The following GALNT14 variants were observed in gnomAD, a reference collection of about 807,000 sequenced individuals.
The protein encoded by GALNT14 is UDP-GalNAc:polypeptide N-acetylgalactosaminyltransferase 14.
GALNT14 carries 60 observed loss-of-function variants against 77.5 expected under a neutral mutation model. The observed-to-expected ratio is 0.77, with a 90% CI of 0.63 to 0.96. The LOEUF (loss-of-function observed/expected upper bound fraction) is 0.96. GALNT14 is among the 40% of genes least tolerant of loss of function. The probability of loss-of-function intolerance (pLI) is 0.00; values close to 1 mark genes in which losing one functional copy is unlikely to be tolerated. For synonymous variants in GALNT14, 280 were observed against 281.7 expected, an observed-to-expected ratio of 0.99 and a Z score of 0.06; for missense variants, 710 against 731.0, an observed-to-expected ratio of 0.97 and a Z score of 0.33.
intron 1 of GALNT14, among the ~76,000 whole-genome samples, chr2:31,019,163 C>T (rs1671563211): frequency 6.6e-6 from 1 of 152,156 alleles, no homozygotes; most frequent in Non-Finnish European, 1.5e-5. Context: ...ACTCATATGT[C>T]TCACTTCTGG....
chr2:31,120,155 C>CAAAA (rs753835346), intron 1 of GALNT14, among the ~76,000 whole-genome samples: 38 of 66,740 alleles, frequency 5.7e-4, no homozygotes, highest in East Asian at 1.5e-3. Context: ...GACTCCGTCT[C>CAAAA]AAAAAAAAAA....
At chr2:31,063,199 T>C (rs1231003384) in intron 1 of GALNT14, among the ~76,000 whole-genome samples, 4 of 152,208 alleles carry the variant, frequency 2.6e-5, no homozygotes, top group Non-Finnish European at 2.9e-5. Context: ...TTAGGTTTCA[T>C]GTTTAAGTCT....
the GALNT14 span, among the ~76,000 whole-genome samples, chr2:30,891,818 C>T: frequency 2.6e-5 from 4 of 152,040 alleles, no homozygotes; most frequent in Admixed American, 2.0e-4. Context: ...GTGAGGACAC[C>T]AGTGTCAAGA....
At position 31,073,486 on chromosome 2, in the gene GALNT14, G is replaced by A. The variant is rs962622622; in HGVS notation, c.129+64472C>T. Among the ~76,000 whole-genome samples the A allele has an allele frequency of 1.8e-4, 5 of 27,842 alleles. No individual in the cohort carries two copies. In the South Asian group the frequency reaches 2.3e-3, roughly 13 times the overall value. 18.3% of individuals were successfully genotyped at this position (27,842 alleles called of 152,430 possible). On this transcript the variant is annotated intron_variant, in intron 1 of 14. Coordinates refer to ENST00000349752, the MANE Select transcript of GALNT14 (RefSeq NM_024572.4). ...AAAAATTAAATTTGGGGAATAAAGA[G>A]GGGGGGGGAACAGCATTTGGGGAAC...
At chr2:31,060,451 T>C (rs1028478549) in intron 1 of GALNT14, among the ~76,000 whole-genome samples, 2 of 152,216 alleles carry the variant, frequency 1.3e-5, no homozygotes, top group East Asian at 1.9e-4. Context: ...GAACTGATTA[T>C]ACACTCCTAA....
At chr2:31,088,691 C>G (rs1295551562) in intron 1 of GALNT14, among the ~76,000 whole-genome samples, 1 of 152,092 alleles carries the variant, frequency 6.6e-6, no homozygotes, top group Non-Finnish European at 1.5e-5. Flanking sequence ...GTGACTAATA[C>G]AAGGGAAAAT....
At chr2:30,949,121 G>T (rs1484311137) in intron 6 of GALNT14, among the ~76,000 whole-genome samples, 1 of 152,158 alleles carries the variant, frequency 6.6e-6, no homozygotes, top group Non-Finnish European at 1.5e-5. Flanking sequence ...GAATGGGCCT[G>T]CAAGAGGCTT....
At chr2:30,941,048 T>C (rs1316227965) in intron 9 of GALNT14, among the ~76,000 whole-genome samples, 4 of 152,172 alleles carry the variant, frequency 2.6e-5, no homozygotes, top group Non-Finnish European at 4.4e-5. Flanking sequence ...TAAAACACCC[T>C]GGAGGCAGAA....
chr2:31,096,040 T>TTCCTTGG (rs1209777265), intron 1 of GALNT14, among the ~76,000 whole-genome samples: 1 of 152,140 alleles, frequency 6.6e-6, no homozygotes, highest in Non-Finnish European at 1.5e-5. Context: ...TTCACCCATA[T>TTCCTTGG]TCCTTGGCTC....
At chr2:31,036,840 C>T (rs919007280) in intron 1 of GALNT14, among the ~76,000 whole-genome samples, 4 of 152,134 alleles carry the variant, frequency 2.6e-5, no homozygotes, top group Non-Finnish European at 5.9e-5. Flanking sequence ...TTCTGGCCTC[C>T]AAGGTTTCCA....
chr2:30,896,939 G>A, the GALNT14 span, among the ~76,000 whole-genome samples: 26 of 152,002 alleles, frequency 1.7e-4, no homozygotes, highest in Non-Finnish European at 3.1e-4. Flanking sequence ...CGCCTTCTCC[G>A]AATCTTACCT....
At chr2:30,977,092 CTTT>C (rs11314175) in intron 2 of GALNT14, among the ~76,000 whole-genome samples, 4 of 135,082 alleles carry the variant, frequency 3.0e-5, no homozygotes, top group Non-Finnish European at 3.1e-5. Flanking sequence ...GCTTTTCTGT[CTTT>C]TTTTTTTTTT....
At chr2:31,127,119 A>T (rs1678741711) in intron 1 of GALNT14, among the ~76,000 whole-genome samples, 1 of 152,184 alleles carries the variant, frequency 6.6e-6, no homozygotes, top group Non-Finnish European at 1.5e-5. Flanking sequence ...AGGTGAACGC[A>T]CCTGTGTAAC....
At chr2:31,036,659 T>C (rs967696584) in intron 1 of GALNT14, among the ~76,000 whole-genome samples, 4 of 152,202 alleles carry the variant, frequency 2.6e-5, no homozygotes, top group Non-Finnish European at 5.9e-5. Flanking sequence ...AACCTGAAAA[T>C]CTCTCTTTAG....
intron 1 of GALNT14, among the ~76,000 whole-genome samples, chr2:31,091,266 C>T (rs1676722294): frequency 6.6e-6 from 1 of 152,144 alleles, no homozygotes; most frequent in South Asian, 2.1e-4. Flanking sequence ...TTTTGTGATA[C>T]ATAAAAATTA....
At chr2:30,999,865 T>C (rs1670253867) in intron 1 of GALNT14, among the ~76,000 whole-genome samples, 1 of 152,240 alleles carries the variant, frequency 6.6e-6, no homozygotes, top group Non-Finnish European at 1.5e-5. Flanking sequence ...GGAGAACACG[T>C]AAAACCCTAT....
chr2:31,133,861 G>T (rs941087284), intron 1 of GALNT14, among the ~76,000 whole-genome samples: 5 of 152,054 alleles, frequency 3.3e-5, no homozygotes, highest in African/African-American at 1.2e-4. Flanking sequence ...TGGGGGGGAG[G>T]CAGTAAAAGA....
At chr2:30,916,555 C>T (rs1157078199) in intron 13 of GALNT14, among the ~76,000 whole-genome samples, 5 of 152,122 alleles carry the variant, frequency 3.3e-5, no homozygotes, top group Non-Finnish European at 7.3e-5. Flanking sequence ...AGGAGGGGAT[C>T]GACTGGGTCA....
chr2:30,998,542 T>C (rs1306545171), intron 1 of GALNT14, among the ~76,000 whole-genome samples: 1 of 152,262 alleles, frequency 6.6e-6, no homozygotes, highest in Non-Finnish European at 1.5e-5. Context: ...ATGAACTGTG[T>C]CTGATCCTGA....
Sources: allele counts gnomAD v4.1 joint callset (sites outside exome capture counted in the v4.1 genomes callset), GRCh38; gene constraint gnomAD v4.1.1; transcripts MANE v1.5; gene names NCBI Gene and HGNC (gene_info 2026-07-23, HGNC 2026-07-21).